The following ZNF69 variants were observed in gnomAD, a reference collection of about 807,000 sequenced individuals.
The protein encoded by ZNF69 is zinc finger protein 69, also known as ZNF3.
In ZNF69, 47 loss-of-function variants were observed where a neutral mutation model predicts 50.9. The ratio of observed to expected loss-of-function variants is 0.92; its 90% confidence interval spans 0.73 to 1.18. The LOEUF (loss-of-function observed/expected upper bound fraction) is 1.18, where lower values mean the gene tolerates loss of function less well. Ranked by LOEUF, ZNF69 falls within the 50% of genes most tolerant of loss-of-function variation. The pLI, the probability that ZNF69 is intolerant of heterozygous loss-of-function variation, is 0.00. For missense variants in ZNF69, 717 were observed against 675.1 expected (o/e 1.06, Z -0.69); for synonymous variants, 216 against 223.1 (o/e 0.97, Z 0.29).
chr19:11,894,215 G>A (rs1052547032), intron 1 of ZNF69, among the ~76,000 whole-genome samples: 2 of 152,090 alleles, frequency 1.3e-5, no homozygotes, highest in Admixed American at 1.3e-4. Flanking sequence ...AGTCGCCCAG[G>A]CTGGAGTGCA....
the ZNF69 span, chr19:11,925,144 C>G: frequency 8.2e-6 from 13 of 1,584,726 alleles, no homozygotes; most frequent in African/African-American, 8.1e-5. Flanking sequence ...GGTTGGTAAC[C>G]GGTCAGACCA....
chr19:11,922,492 A>C, the ZNF69 span, among the ~76,000 whole-genome samples: 1 of 152,228 alleles, frequency 6.6e-6, no homozygotes, highest in African/African-American at 2.4e-5. Flanking sequence ...ATGGGATTCT[A>C]GGACACTAGG....
At chr19:11,947,315 T>C in the ZNF69 span, 1 of 1,613,598 alleles carries the variant, frequency 6.2e-7, no homozygotes. Context: ...TAGGTAAGGA[T>C]GACAATATTC....
chr19:11,976,978 T>G, the ZNF69 span: 1 of 1,608,580 alleles, frequency 6.2e-7, no homozygotes, highest in Non-Finnish European at 8.5e-7. Context: ...GGGAATAGAG[T>G]CTAGGCCCCC....
chr19:11,964,766 A>T, the ZNF69 span, among the ~76,000 whole-genome samples: 1 of 151,736 alleles, frequency 6.6e-6, no homozygotes, highest in Non-Finnish European at 1.5e-5. Context: ...GAGCGGGGAA[A>T]ATCCCTTGAG....
downstream of ZNF69, among the ~76,000 whole-genome samples, chr19:11,907,473 C>G (rs1238511243): frequency 6.6e-6 from 1 of 152,212 alleles, no homozygotes. Context: ...AACAGCGGAT[C>G]TCTTGGCAGA....
Position 11,903,984 on chromosome 19 carries a change from A to G in ZNF69, c.251+19A>G, listed in dbSNP as rs372566042. 4.0e-4 allele frequency: 652 copies of G among 1,611,346 alleles called. 2 individuals are homozygous for G. The African/African-American group carries it at 7.4e-3, about 18-fold the overall frequency. ...ACTTCAGGTAATTTGTACTTACAAG[A>G]CAAAGCAGTGTCTCTCTAGACAATC... On this transcript the variant is annotated intron_variant, in intron 3 of 3. Transcript: ENST00000429654.
the ZNF69 span, chr19:11,977,312 A>T: frequency 1.1e-5 from 18 of 1,606,034 alleles, no homozygotes; most frequent in Non-Finnish European, 1.4e-5. Flanking sequence ...CATAGAATCT[A>T]ATAATTTTTT....
At chr19:11,965,247 A>G in the ZNF69 span, 1 of 1,613,580 alleles carries the variant, frequency 6.2e-7, no homozygotes, top group East Asian at 2.2e-5. Context: ...GAGACGGGGT[A>G]GAGGCTGCCT....
At chr19:11,956,825 G>A in the ZNF69 span, among the ~76,000 whole-genome samples, 1 of 152,146 alleles carries the variant, frequency 6.6e-6, no homozygotes, top group Non-Finnish European at 1.5e-5. Flanking sequence ...TTGCACTTCA[G>A]ATTGGATGAC....
At chr19:11,944,183 G>A in the ZNF69 span, among the ~76,000 whole-genome samples, 5 of 152,168 alleles carry the variant, frequency 3.3e-5, no homozygotes, top group African/African-American at 1.2e-4. Context: ...TTTTTCGTAA[G>A]GCCTGTAGCT....
chr19:11,891,547 T>G (rs745568080), intron 1 of ZNF69, among the ~76,000 whole-genome samples: 2 of 152,140 alleles, frequency 1.3e-5, no homozygotes, highest in African/African-American at 2.4e-5. Context: ...GTAGGGATCT[T>G]GTCTATGTAA....
chr19:11,896,217 T>TA (rs138289885), intron 1 of ZNF69, among the ~76,000 whole-genome samples: 1,495 of 63,854 alleles, frequency 0.023, 39 homozygotes, highest in African/African-American at 0.031. Context: ...GAAACTCCAT[T>TA]AAAAAAAAAA....
the ZNF69 span, chr19:11,925,399 A>G: frequency 6.9e-7 from 1 of 1,451,906 alleles, no homozygotes; most frequent in Non-Finnish European, 9.2e-7. Flanking sequence ...GTCCTCCTTG[A>G]GCAGTTCGGC....
At chr19:11,897,574 GAA>G (rs779720252) in intron 1 of ZNF69, among the ~76,000 whole-genome samples, 16 of 112,768 alleles carry the variant, frequency 1.4e-4, no homozygotes, top group Admixed American at 1.8e-4. Context: ...GACCCTGTTT[GAA>G]AAAAAAAAAA....
the ZNF69 span, among the ~76,000 whole-genome samples, chr19:11,926,305 C>G: frequency 2.6e-5 from 4 of 152,312 alleles, no homozygotes; most frequent in Admixed American, 2.0e-4. Flanking sequence ...TGTCTCACCT[C>G]CCATCCTGTC....
intron 1 of ZNF69, among the ~76,000 whole-genome samples, chr19:11,898,072 C>T (rs949198982): frequency 2.6e-5 from 4 of 151,984 alleles, no homozygotes; most frequent in African/African-American, 9.7e-5. Context: ...CACAATTAAT[C>T]CAAATAATGA....
At chr19:11,894,911 CGG>C (rs995406897) in intron 1 of ZNF69, among the ~76,000 whole-genome samples, 3 of 152,166 alleles carry the variant, frequency 2.0e-5, no homozygotes, top group African/African-American at 7.2e-5. Context: ...CCCACCCCAA[CGG>C]GGTGGACCAG....
At chr19:11,892,753 A>C (rs973457770) in intron 1 of ZNF69, among the ~76,000 whole-genome samples, 4 of 152,232 alleles carry the variant, frequency 2.6e-5, no homozygotes, top group Admixed American at 2.6e-4. Flanking sequence ...GCTATGTGAA[A>C]GCTGTGTGTC....
Sources: gnomAD v4.1 joint callset for allele counts (sites outside exome capture counted in the v4.1 genomes callset) on GRCh38, gnomAD v4.1.1 for gene constraint, MANE v1.5 for transcripts, NCBI Gene and HGNC (gene_info 2026-07-23, HGNC 2026-07-21) for gene names.